Variants in EHMT1 observed in about 807,000 individuals in gnomAD.
The protein encoded by EHMT1 is euchromatic histone lysine methyltransferase 1.
EHMT1 carries 15 observed loss-of-function variants against 147.2 expected under a neutral mutation model. The ratio of observed to expected loss-of-function variants is 0.10; its 90% CI spans 0.07 to 0.16. The LOEUF (loss-of-function observed/expected upper bound fraction) is 0.16, where lower values mean the gene tolerates loss of function less well. Ranked by LOEUF, EHMT1 falls within the 10% of genes least tolerant of loss-of-function variation. The pLI is 1.00. For synonymous variants in EHMT1, 795 were observed against 709.6 expected (o/e 1.12, Z -1.91); for missense variants, 1,587 against 1,772.4 (o/e 0.90, Z 1.88).
At position 137,835,546 on chromosome 9, in the gene EHMT1, A is replaced by G. The variant is rs1956529901; in HGVS notation, c.*593A>G. 2 of 152,474 alleles carry G rather than the reference A, an allele frequency of 1.3e-5. No individual in the cohort carries two copies. The highest frequency in any genetic ancestry group is 2.4e-5 in the African/African-American group (1 of 41,432). 9.4% of individuals were successfully genotyped at this position (152,474 alleles called of 1,614,324 possible). A position where few individuals can be genotyped will look rare whatever the true frequency, so the allele number is the denominator to read the frequency against. On this transcript the variant is annotated 3_prime_UTR_variant, in exon 27 of 27. Transcript: ENST00000460843. ...TGCTTTTTAAAGGAATCCTATATCT[A>G]GTCCTATATATCAAACCTCTAACTG...
At chr9:137,736,274 C>A (rs1947522770) in intron 4 of EHMT1, among the ~76,000 whole-genome samples, 1 of 152,132 alleles carries the variant, frequency 6.6e-6, no homozygotes, top group African/African-American at 2.4e-5. Flanking sequence ...ATAACAATTA[C>A]CTGGGTAAAC....
intron 1 of EHMT1, among the ~76,000 whole-genome samples, chr9:137,634,594 C>A (rs994544022): frequency 6.6e-6 from 1 of 150,840 alleles, no homozygotes; most frequent in Non-Finnish European, 1.5e-5. Flanking sequence ...ATGATTGGGT[C>A]CCTTGCATTT....
At chr9:137,668,198 G>A (rs1294127279) in intron 1 of EHMT1, among the ~76,000 whole-genome samples, 2 of 152,188 alleles carry the variant, frequency 1.3e-5, no homozygotes, top group African/African-American at 2.4e-5. Context: ...GGCGCCAGCT[G>A]TCTACTCCAG....
intron 1 of EHMT1, among the ~76,000 whole-genome samples, chr9:137,625,379 G>C (rs943653852): frequency 6.6e-6 from 1 of 152,070 alleles, no homozygotes. Context: ...TGTTGTTGTT[G>C]TTGTTGGAGA....
rs1951656166 is a variant in EHMT1 at position 137,782,694 on chromosome 9, C to A, written c.2382+297C>A. 6.6e-6 allele frequency among the ~76,000 whole-genome samples: 1 copy of A among 152,178 alleles called. No homozygotes were observed. Among genetic ancestry groups the A allele is most frequent in the South Asian group, 2.1e-4 (1 of 4,832 alleles). ...CACTCATGACGTCCCTCTGGGGGAG[C>A]CAAGCACTCGCAGAGGCACGGACGC... On this transcript the variant is annotated intron_variant, in intron 15 of 26. Coordinates refer to ENST00000460843, the MANE Select transcript of EHMT1 (RefSeq NM_024757.5). This position sits in a 1 kb window ranked among gnomAD's most constrained non-coding sequence, Gnocchi z 5.7.
At position 137,782,142 on chromosome 9, in the gene EHMT1, T is replaced by C; in HGVS notation, c.2276-149T>C. 2.9e-6 allele frequency: 2 copies of C among 700,200 alleles called. No homozygotes were observed. The highest frequency in any genetic ancestry group is 2.6e-6 in the Non-Finnish European group (1 of 390,388). 43.4% of individuals were successfully genotyped at this position (700,200 alleles called of 1,614,324 possible). On this transcript the variant is annotated intron_variant, in intron 14 of 26. Transcript: ENST00000460843. The surrounding 1 kb of genome is among the most constrained non-coding windows in gnomAD (Gnocchi z 5.7). ...ACACTCAAGTCTCAAGTCCAGAGGA[T>C]GGTGCTGTGGGCGGGTTCCGGCGTG...
chr9:137,711,148 A>G (rs1047237724), intron 2 of EHMT1, 118 bp downstream of exon 2: 59 of 1,067,428 alleles, frequency 5.5e-5, no homozygotes, highest in Non-Finnish European at 7.2e-5. Flanking sequence ...ACCTAGGTTT[A>G]TGGTATAGTT....
At chr9:137,696,987 A>C (rs184127165) in intron 1 of EHMT1, among the ~76,000 whole-genome samples, 1 of 152,200 alleles carries the variant, frequency 6.6e-6, no homozygotes, top group Non-Finnish European at 1.5e-5. Flanking sequence ...GGCCCTGTGA[A>C]AACAGTGCAG....
At chr9:137,719,183 A>G (rs1002244485) in intron 3 of EHMT1, among the ~76,000 whole-genome samples, 1 of 152,106 alleles carries the variant, frequency 6.6e-6, no homozygotes, top group Non-Finnish European at 1.5e-5. Flanking sequence ...CTTGGACTTG[A>G]CACCTCCTGT....
At chr9:137,778,965 A>C (rs1301304061) in intron 13 of EHMT1, among the ~76,000 whole-genome samples, 1 of 152,126 alleles carries the variant, frequency 6.6e-6, no homozygotes, top group African/African-American at 2.4e-5. Flanking sequence ...AAGCGACCAG[A>C]TCTTGTGGGA....
intron 1 of EHMT1, among the ~76,000 whole-genome samples, chr9:137,648,274 A>G (rs1218276126): frequency 6.6e-6 from 1 of 152,162 alleles, no homozygotes; most frequent in Non-Finnish European, 1.5e-5. Context: ...GATGAAATGA[A>G]CTATACCTGG....
At chr9:137,737,567 C>T (rs537087700) in intron 4 of EHMT1, among the ~76,000 whole-genome samples, 2 of 152,272 alleles carry the variant, frequency 1.3e-5, no homozygotes, top group African/African-American at 4.8e-5. Context: ...GAGAAGAAAA[C>T]ATAGGACAAA....
chr9:137,828,826 G>A lies in EHMT1; in HGVS notation c.3541-5523G>A, dbSNP rs1311906701. 6.6e-6 allele frequency among the ~76,000 whole-genome samples: 1 copy of A among 152,178 alleles called. No individual in the cohort carries two copies. Among genetic ancestry groups the A allele is most frequent in the Non-Finnish European group, 1.5e-5 (1 of 68,028 alleles). On this transcript the variant is annotated intron_variant, in intron 25 of 26. Transcript: ENST00000460843. The surrounding 1 kb of genome is among the most constrained non-coding windows in gnomAD (Gnocchi z 5.3). Reference sequence around the variant, plus strand: ...TGCAATGAGCCCTTGGTGGCTCTGAGCAGTGCCAGTTCAGCACCTTGGAGA... The same window carrying A: ...TGCAATGAGCCCTTGGTGGCTCTGAACAGTGCCAGTTCAGCACCTTGGAGA...
At chr9:137,745,632 C>T in intron 6 of EHMT1, 1 of 398,372 alleles carries the variant, frequency 2.5e-6, no homozygotes, top group Non-Finnish European at 4.4e-6. Context: ...GCAGCTACCC[C>T]AGCAGCTGCC....
chr9:137,809,111 T>C (rs1192227875), intron 18 of EHMT1, among the ~76,000 whole-genome samples: 1 of 151,698 alleles, frequency 6.6e-6, no homozygotes, highest in African/African-American at 2.4e-5. Context: ...CTTCAGGAAA[T>C]CCACTGAGGC....
rs369984436 is a variant in EHMT1 at position 137,752,364 on chromosome 9, G to A, written c.1204G>A (p.Val402Met). ...GGAGTCCGAGGAGGAGCAGGAGTCC[G>A]TGGACACCGGGGAGGAGGAGGAAGG... The part of the protein sequence containing the change: ...DGESEEEQES[V>M]DTGEEEEGGD... The change falls in exon 7 of 27, where the codon GTG (valine) becomes ATG (methionine). Residue 402 changes from valine (V) to methionine (M), a missense_variant. By Grantham distance (21) the Val-to-Met change is conservative. Around this residue, in one of 7 missense-constraint regions of EHMT1, gnomAD observed 810 missense variants for 673.0 expected, o/e 1.20. Coordinates refer to ENST00000460843, the MANE Select transcript of EHMT1 (RefSeq NM_024757.5). 6.2e-6 allele frequency: 10 copies of A among 1,614,068 alleles called. No homozygotes were observed. In the African/African-American group the frequency reaches 8.0e-5, roughly 13 times the overall value.
rs146722738 is a variant in EHMT1, at chr9:137,689,869, C to T, written c.22-21098C>T. Among the ~76,000 whole-genome samples the T allele has an allele frequency of 2.0e-3, 310 of 152,316 alleles. 1 individual carries two copies. The highest frequency in any genetic ancestry group is 3.6e-3 in the Non-Finnish European group (242 of 68,030). Reference sequence around the variant, plus strand: ...GAATGACTGCAGTTGTGGGGGCCAGCTCCTGGGCAGGTGCCCACCATGTTG... The same window carrying T: ...GAATGACTGCAGTTGTGGGGGCCAGTTCCTGGGCAGGTGCCCACCATGTTG... On this transcript the variant is annotated intron_variant, in intron 1 of 26. Transcript: ENST00000460843.
intron 16 of EHMT1, among the ~76,000 whole-genome samples, chr9:137,796,449 A>G (rs1418357090): frequency 1.3e-5 from 2 of 152,198 alleles, no homozygotes; most frequent in African/African-American, 4.8e-5. Flanking sequence ...TCACGCCTGT[A>G]ATCCCAGCAC....
chr9:137,787,990 C>T lies in EHMT1; in HGVS notation c.2383-2858C>T. The T allele has an allele frequency of 6.8e-7, 1 of 1,467,794 alleles. No individual in the cohort carries two copies. The highest frequency in any genetic ancestry group is 1.7e-5 in the Admixed American group (1 of 57,332). The allele number at this position is 1,467,794 out of a possible 1,614,324, so 90.9% of individuals were successfully genotyped here. On this transcript the variant is annotated intron_variant, in intron 15 of 26. Transcript: ENST00000460843. This position sits in a 1 kb window ranked among gnomAD's most constrained non-coding sequence, Gnocchi z 4.2. Reference sequence around the variant, plus strand: ...GACAGCCCCCCAGGAACTGAGGTGCCCTGCAGTAAGTGGAGAGGCCAGGCC... The same window carrying T: ...GACAGCCCCCCAGGAACTGAGGTGCTCTGCAGTAAGTGGAGAGGCCAGGCC...
Sources: gnomAD v4.1 joint callset for allele counts (sites outside exome capture counted in the v4.1 genomes callset) on GRCh38, gnomAD v4.1.1 for gene constraint, gnomAD v4.1.1 regional missense constraint, Gnocchi (gnomAD v3.1) non-coding constraint, MANE v1.5 for transcripts, NCBI Gene and HGNC (gene_info 2026-07-23, HGNC 2026-07-21) for gene names.